SCN10A: variants seen among roughly 807,000 people sequenced by gnomAD.
SCN10A encodes sodium voltage-gated channel alpha subunit 10, also known as sodium channel protein type 10 subunit alpha.
A neutral mutation model predicts 170.7 loss-of-function variants in SCN10A; 162 were observed. The ratio of observed to expected loss-of-function variants is 0.95; its 90% CI spans 0.84 to 1.08. SCN10A has a LOEUF of 1.08. SCN10A is among the 50% of genes least tolerant of loss of function. The probability of loss-of-function intolerance (pLI) is 0.00; values close to 1 mark genes in which losing one functional copy is unlikely to be tolerated. For synonymous variants in SCN10A, 985 were observed against 904.6 expected (o/e 1.09, Z -1.59); for missense variants, 2,527 against 2,436.9 (o/e 1.04, Z -0.78).
intron 1 of SCN10A, among the ~76,000 whole-genome samples, chr3:38,801,856 A>G (rs952668372): frequency 6.6e-6 from 1 of 152,178 alleles, no homozygotes; most frequent in Non-Finnish European, 1.5e-5. Context: ...CTTATATACA[A>G]CTACGGTTAG....
chr3:38,745,159 C>T (rs80226178), intron 13 of SCN10A, among the ~76,000 whole-genome samples: 2,040 of 152,314 alleles, frequency 0.013, 58 homozygotes, highest in East Asian at 0.058. Flanking sequence ...TGTAAACAGC[C>T]TTGACATTGT....
intron 1 of SCN10A, among the ~76,000 whole-genome samples, chr3:38,806,010 A>T (rs2064402512): frequency 6.6e-6 from 1 of 152,280 alleles, no homozygotes; most frequent in Non-Finnish European, 1.5e-5. Context: ...TGACCGTGGT[A>T]CTGAACAAGA....
chr3:38,756,611 A>G, intron 10 of SCN10A, 63 bp downstream of exon 10: 1 of 1,394,314 alleles, frequency 7.2e-7, no homozygotes. Context: ...TGGCTAGTCC[A>G]GAACAGTATC....
In SCN10A at chr3:38,761,206, G is replaced by T. The variant is rs758105444; in HGVS notation, c.869C>A (p.Ser290Ter). ...ACTCCACTCACGTTTTCTGTGAGATGAGTAGTTGGTTGTCTCATTGACAGC... is the reference window on the plus strand; with the variant it reads ...ACTCCACTCACGTTTTCTGTGAGATTAGTAGTTGGTTGTCTCATTGACAGC... ...DMAVNETTNY[S>*]SHRKPDIYIN... The change falls in exon 7 of 28, where the codon TCA becomes TAA. Residue 290 changes from serine to a stop codon, truncating the protein, a stop_gained. Coordinates refer to ENST00000449082, the MANE Select transcript of SCN10A (RefSeq NM_006514.4). LOFTEE classifies it high-confidence loss of function. 6.2e-7 allele frequency: 1 copy of T among 1,606,224 alleles called. No individual in the cohort carries two copies. Among genetic ancestry groups the T allele is most frequent in the South Asian group, 1.1e-5 (1 of 90,222 alleles).
intron 3 of SCN10A, 76 bp downstream of exon 3, chr3:38,791,974 C>A: frequency 6.4e-7 from 1 of 1,551,040 alleles, no homozygotes; most frequent in Non-Finnish European, 8.7e-7. Context: ...CTGTTGCTAA[C>A]CTCTAAAGAA....
At chr3:38,804,103 G>A (rs1301757218) in intron 1 of SCN10A, among the ~76,000 whole-genome samples, 2 of 152,112 alleles carry the variant, frequency 1.3e-5, no homozygotes, top group African/African-American at 2.4e-5. Flanking sequence ...ACCCTGTAGT[G>A]TGTTCCCATA....
rs190176472 is a variant in SCN10A at position 38,793,958 on chromosome 3, G to A, written c.53C>T (p.Pro18Leu). Residue 18 changes from proline (P) to leucine (L), a missense_variant, in exon 2 of 28, where the codon CCG (proline) becomes CTG (leucine). Coordinates refer to ENST00000449082, the MANE Select transcript of SCN10A (RefSeq NM_006514.4). ...CTTCTCTATCTCCACCAGTGACTCCGGAGTAAAGCGACGGAAGTTGTTAGT... is the reference window on the plus strand; with the variant it reads ...CTTCTCTATCTCCACCAGTGACTCCAGAGTAAAGCGACGGAAGTTGTTAGT... Reference protein sequence around the residue: ...LETNNFRRFTPESLVEIEKQI... With the variant: ...LETNNFRRFTLESLVEIEKQI... 293 of 1,613,952 alleles carry A rather than the reference G, an allele frequency of 1.8e-4. 2 individuals are homozygous for A. In the East Asian group the frequency reaches 5.6e-3, roughly 31 times the overall value.
intron 22 of SCN10A, among the ~76,000 whole-genome samples, chr3:38,712,701 C>A (rs1029309344): frequency 3.3e-5 from 5 of 152,214 alleles, no homozygotes; most frequent in Non-Finnish European, 1.5e-5. Flanking sequence ...AGTTTACAAG[C>A]ATACTGCACT....
At chr3:38,783,107 G>A (rs908329019) in intron 4 of SCN10A, among the ~76,000 whole-genome samples, 1 of 152,046 alleles carries the variant, frequency 6.6e-6, no homozygotes, top group Non-Finnish European at 1.5e-5. Flanking sequence ...TACCACTTAA[G>A]GGCTCTACTC....
intron 1 of SCN10A, among the ~76,000 whole-genome samples, chr3:38,811,685 G>T (rs1290844508): frequency 6.6e-6 from 1 of 152,150 alleles, no homozygotes; most frequent in East Asian, 1.9e-4. Flanking sequence ...ACCAACAGTT[G>T]CAGAATTTGA....
chr3:38,709,817 T>C (rs573094174), intron 24 of SCN10A, among the ~76,000 whole-genome samples: 8 of 152,312 alleles, frequency 5.3e-5, no homozygotes, highest in Admixed American at 2.0e-4. Flanking sequence ...CAGGGCATCA[T>C]TGTGGGCAAC....
In SCN10A at chr3:38,755,880, C is replaced by T. The variant is rs751326575; in HGVS notation, c.1369G>A (p.Glu457Lys). 4.3e-6 allele frequency: 7 copies of T among 1,614,182 alleles called. No homozygotes were observed. The highest frequency in any genetic ancestry group is 5.9e-6 in the Non-Finnish European group (7 of 1,180,020). The change falls in exon 11 of 28, where the codon GAG becomes AAG. Residue 457 changes from glutamate (E) to lysine (K), a missense_variant. Coordinates refer to ENST00000449082, the MANE Select transcript of SCN10A (RefSeq NM_006514.4). ...GSPLTSKNAS[E>K]RRHRIKPRVS... ...CTTGGCTTTATTCTATGCCTTCTCTCACTGGCATTTTTGGAGGTTAAAGGT... is the reference window on the plus strand; with the variant it reads ...CTTGGCTTTATTCTATGCCTTCTCTTACTGGCATTTTTGGAGGTTAAAGGT...
At chr3:38,773,383 C>CA (rs1366885194) in intron 4 of SCN10A, among the ~76,000 whole-genome samples, 1 of 151,566 alleles carries the variant, frequency 6.6e-6, no homozygotes, top group Non-Finnish European at 1.5e-5. Context: ...AAAAGGAATC[C>CA]AAAAAAAGAA....
intron 2 of SCN10A, among the ~76,000 whole-genome samples, chr3:38,793,038 A>G (rs1170107755): frequency 1.3e-5 from 2 of 151,990 alleles, no homozygotes; most frequent in African/African-American, 4.8e-5. Context: ...AGTTGTATGT[A>G]TATATATAGT....
chr3:38,707,040 T>TC (rs1350687485), intron 26 of SCN10A, among the ~76,000 whole-genome samples: 5 of 152,186 alleles, frequency 3.3e-5, no homozygotes, highest in Admixed American at 6.5e-5. Context: ...ACTCAGTGCT[T>TC]CCCCCAACAG....
At chr3:38,786,504 G>T (rs2064204763) in intron 4 of SCN10A, among the ~76,000 whole-genome samples, 1 of 152,118 alleles carries the variant, frequency 6.6e-6, no homozygotes, top group South Asian at 2.1e-4. Context: ...GGGAGGGATA[G>T]CATTAGGAGA....
intron 17 of SCN10A, 104 bp from the exon 18 acceptor site, chr3:38,725,418 T>G: frequency 7.3e-6 from 8 of 1,102,644 alleles, no homozygotes; most frequent in Non-Finnish European, 1.0e-5. Flanking sequence ...GCCAAGAGTT[T>G]CATATATGCA....
At chr3:38,806,088 T>C (rs745341048) in intron 1 of SCN10A, among the ~76,000 whole-genome samples, 1 of 152,124 alleles carries the variant, frequency 6.6e-6, no homozygotes, top group Non-Finnish European at 1.5e-5. Flanking sequence ...ATTGATCTGT[T>C]TGTAGTGCTG....
rs1331566750 is a variant in SCN10A at position 38,756,678 on chromosome 3, T to C, written c.1286A>G (p.Gln429Arg). Residue 429 changes from glutamine (Q) to arginine (R), a missense_variant, in exon 10 of 28, where the codon CAG (glutamine) becomes CGG (arginine). Physicochemically the swap from Gln to Arg is conservative, Grantham distance 43 (BLOSUM62 1). Transcript: ENST00000449082. ...AAGCTTCCACTCCTCACAAACCTCC[T>C]GCTCCTTCCGGAGCATCTCGAGGGC... ...QEALEMLRKE[Q>R]EVLAALGIDT... is the part of the protein sequence containing the mutation. 36 of 1,613,166 alleles carry C rather than the reference T, an allele frequency of 2.2e-5. No homozygotes were observed. Among genetic ancestry groups the C allele is most frequent in the Non-Finnish European group, 2.9e-5 (34 of 1,179,706 alleles).
Sources: gnomAD v4.1 joint callset for allele counts (sites outside exome capture counted in the v4.1 genomes callset) on GRCh38, gnomAD v4.1.1 for gene constraint, MANE v1.5 for transcripts, NCBI Gene and HGNC (gene_info 2026-07-23, HGNC 2026-07-21) for gene names.